PCDH15: variants seen among roughly 807,000 people sequenced by gnomAD.
PCDH15 encodes protocadherin related 15.
In PCDH15, 129 loss-of-function variants were observed where a neutral mutation model predicts 178.5. The ratio of observed to expected loss-of-function variants is 0.72; its 90% CI spans 0.63 to 0.84. PCDH15 has a LOEUF of 0.84. Ranked by LOEUF, PCDH15 falls within the 40% of genes least tolerant of loss-of-function variation. The pLI, the probability that PCDH15 is intolerant of heterozygous loss-of-function variation, is 0.00. For missense variants in PCDH15, 2,230 were observed against 2,099.9 expected, an observed-to-expected ratio of 1.06 and a Z score of -1.21; for synonymous variants, 800 against 732.0, an observed-to-expected ratio of 1.09 and a Z score of -1.50.
chr10:55,085,709 T>C (rs1480112099), intron 2 of PCDH15, among the ~76,000 whole-genome samples: 1 of 151,916 alleles, frequency 6.6e-6, no homozygotes, highest in Non-Finnish European at 1.5e-5. Context: ...TTCATATATA[T>C]AGTCAAATTA....
chr10:55,382,376 G>A (rs1837556274), intron 2 of PCDH15, among the ~76,000 whole-genome samples: 1 of 152,032 alleles, frequency 6.6e-6, no homozygotes, highest in Non-Finnish European at 1.5e-5. Flanking sequence ...GTAATCACAG[G>A]GGTCCTGAAA....
chr10:54,378,940 T>C lies in PCDH15; in HGVS notation c.160A>G (p.Thr54Ala). The change falls in exon 4 of 38, where the codon ACA (threonine) becomes GCA (alanine). Residue 54 changes from threonine (T) to alanine (A), a missense_variant and splice_region_variant. Coordinates refer to ENST00000644397, the MANE Select transcript of PCDH15 (RefSeq NM_001384140.1). ...VAIDEESRNG[T>A]ILVDNMLIKG... ...ATCAGCATGTTGTCCACCAGAATTGTACCTGCAAACCAAAGAAAGGTACTT... is the reference window on the plus strand; with the variant it reads ...ATCAGCATGTTGTCCACCAGAATTGCACCTGCAAACCAAAGAAAGGTACTT... 6.2e-7 allele frequency: 1 copy of C among 1,613,704 alleles called. No individual in the cohort carries two copies. Among genetic ancestry groups the C allele is most frequent in the Non-Finnish European group, 8.5e-7 (1 of 1,179,768 alleles).
intron 2 of PCDH15, among the ~76,000 whole-genome samples, chr10:54,655,197 G>A (rs1032638298): frequency 2.0e-5 from 3 of 147,558 alleles, no homozygotes; most frequent in African/African-American, 5.0e-5. Context: ...GGCACAGAGC[G>A]AGACTCCGTC....
chr10:54,314,458 A>C (rs765601872), intron 8 of PCDH15, among the ~76,000 whole-genome samples: 5 of 152,140 alleles, frequency 3.3e-5, no homozygotes, highest in African/African-American at 4.8e-5. Context: ...TTTCATGCAC[A>C]AACAATGATT....
At chr10:55,314,444 CTCA>C (rs1843670840) in intron 1 of PCDH15, among the ~76,000 whole-genome samples, 1 of 151,860 alleles carries the variant, frequency 6.6e-6, no homozygotes, top group Non-Finnish European at 1.5e-5. Flanking sequence ...AACCCTGGCT[CTCA>C]TCATAATGGG....
intron 3 of PCDH15, among the ~76,000 whole-genome samples, chr10:54,872,952 T>C (rs1954066213): frequency 6.6e-6 from 1 of 152,028 alleles, no homozygotes; most frequent in South Asian, 2.1e-4. Flanking sequence ...TCAAAGGACA[T>C]ACTTGTCACT....
chr10:55,597,913 A>G (rs1389499984), intron 2 of PCDH15, among the ~76,000 whole-genome samples: 3 of 152,130 alleles, frequency 2.0e-5, no homozygotes, highest in African/African-American at 7.2e-5. Flanking sequence ...TGGCCTTTTT[A>G]TGAATTCTCA....
chr10:53,897,614 T>C (rs2082039526), intron 26 of PCDH15, among the ~76,000 whole-genome samples: 1 of 151,878 alleles, frequency 6.6e-6, no homozygotes, highest in African/African-American at 2.4e-5. Context: ...GTTCTGCAAA[T>C]ACCACTGCCA....
rs857393 is a variant in PCDH15 at position 54,329,300 on chromosome 10, C to G, written c.705+296G>C. On this transcript the variant is annotated intron_variant, in intron 7 of 37. Coordinates refer to ENST00000644397, the MANE Select transcript of PCDH15 (RefSeq NM_001384140.1). The stretch of plus-strand genomic sequence containing the variant: ...TATTTAATACACACCCAAGGTGATT[C>G]TGCTGCTGTTAATTTGCAGGATCCT... Among the ~76,000 whole-genome samples, 656 of 152,002 alleles carry G rather than the reference C, an allele frequency of 4.3e-3. 5 individuals are homozygous for G. Among genetic ancestry groups the G allele is most frequent in the African/African-American group, 0.015 (628 of 41,522 alleles).
chr10:53,851,612 C>T lies in PCDH15; in HGVS notation c.3806+5563G>A, dbSNP rs112030461. On this transcript the variant is annotated intron_variant, in intron 28 of 37. Coordinates refer to ENST00000644397, the MANE Select transcript of PCDH15 (RefSeq NM_001384140.1). ...TATTACATTGATTTAAGAAAATGTG[C>T]TAGCAGTTAGCGTTTCATAGGTATG... 7.3e-3 allele frequency among the ~76,000 whole-genome samples: 1,061 copies of T among 144,460 alleles called. 10 individuals carry two copies. Among genetic ancestry groups the T allele is most frequent in the African/African-American group, 0.025 (1,002 of 40,020 alleles). 94.8% of individuals were successfully genotyped at this position (144,460 alleles called of 152,430 possible). A position where few individuals can be genotyped will look rare whatever the true frequency, so the allele number is the denominator to read the frequency against.
intron 3 of PCDH15, among the ~76,000 whole-genome samples, chr10:54,380,190 T>A (rs941526486): frequency 7.2e-5 from 11 of 152,100 alleles, no homozygotes; most frequent in Admixed American, 6.6e-4. Context: ...CAAGCCAGAA[T>A]AATGTTTAAA....
intron 2 of PCDH15, among the ~76,000 whole-genome samples, chr10:54,588,781 C>T (rs972940256): frequency 3.9e-5 from 6 of 151,946 alleles, no homozygotes; most frequent in African/African-American, 7.3e-5. Context: ...ACTATGTGGC[C>T]GGGGCTAGTC....
At chr10:55,321,119 A>C (rs1843887527), upstream of PCDH15, among the ~76,000 whole-genome samples, 1 of 151,954 alleles carries the variant, frequency 6.6e-6, no homozygotes, top group Non-Finnish European at 1.5e-5. Context: ...AAGAGAGAGA[A>C]AGAGAAAGGA....
intron 2 of PCDH15, among the ~76,000 whole-genome samples, chr10:55,116,765 C>T (rs1837637701): frequency 6.6e-6 from 1 of 152,170 alleles, no homozygotes; most frequent in Non-Finnish European, 1.5e-5. Flanking sequence ...GAAGGTCATT[C>T]TCTGACCTTC....
intron 1 of PCDH15, among the ~76,000 whole-genome samples, chr10:54,748,767 C>A (rs140054253): frequency 1.3e-5 from 2 of 152,254 alleles, no homozygotes; most frequent in East Asian, 3.9e-4. Flanking sequence ...TAATCTTCTG[C>A]ATTTGTAATT....
intron 2 of PCDH15, among the ~76,000 whole-genome samples, chr10:55,420,272 T>C (rs1404541072): frequency 7.0e-6 from 1 of 142,826 alleles, no homozygotes; most frequent in East Asian, 1.9e-4. Context: ...TTCGATACTA[T>C]AAGCGTTGGA....
At chr10:54,796,349 A>C (rs1488742547) in intron 1 of PCDH15, among the ~76,000 whole-genome samples, 1 of 150,964 alleles carries the variant, frequency 6.6e-6, no homozygotes, top group Non-Finnish European at 1.5e-5. Flanking sequence ...CTATATCTAT[A>C]TATCAACCTT....
intron 28 of PCDH15, among the ~76,000 whole-genome samples, chr10:53,852,619 G>C (rs115130441): frequency 0.02 from 3,105 of 152,032 alleles, 120 homozygotes; most frequent in African/African-American, 0.07. Flanking sequence ...AAAGTGTACT[G>C]ATCTTTGTAA....
At chr10:55,199,696 G>T (rs1840189089) in intron 1 of PCDH15, among the ~76,000 whole-genome samples, 1 of 152,032 alleles carries the variant, frequency 6.6e-6, no homozygotes, top group Admixed American at 6.5e-5. Context: ...GAGAGAAAAT[G>T]GTTTCATGGT....
Sources: allele counts gnomAD v4.1 joint callset (sites outside exome capture counted in the v4.1 genomes callset), GRCh38; gene constraint gnomAD v4.1.1; transcripts MANE v1.5; gene names NCBI Gene and HGNC (gene_info 2026-07-23, HGNC 2026-07-21).